Variants in HSDL1 observed in about 807,000 individuals in gnomAD.
HSDL1 encodes inactive hydroxysteroid dehydrogenase-like protein 1.
Under a neutral mutation model 31.5 loss-of-function variants are expected in HSDL1, and 29 were observed. The ratio of observed to expected loss-of-function variants is 0.92; its 90% CI spans 0.69 to 1.26. HSDL1 has a LOEUF of 1.26. Ranked by LOEUF, HSDL1 falls within the 50% of genes most tolerant of loss-of-function variation. The pLI, the probability that HSDL1 is intolerant of heterozygous loss-of-function variation, is 0.00. For missense variants in HSDL1, 503 were observed against 416.6 expected (o/e 1.21, Z -1.81); for synonymous variants, 222 against 155.2 (o/e 1.43, Z -3.20).
chr16:84,134,246 A>G (rs1329300761), intron 2 of HSDL1, among the ~76,000 whole-genome samples: 1 of 152,134 alleles, frequency 6.6e-6, no homozygotes, highest in East Asian at 1.9e-4. Context: ...GAGTTTTCAC[A>G]CTGGCTGTAG....
At chr16:84,140,089 C>T (rs1160213236) in intron 1 of HSDL1, among the ~76,000 whole-genome samples, 1 of 152,114 alleles carries the variant, frequency 6.6e-6, no homozygotes, top group Non-Finnish European at 1.5e-5. Context: ...GGCCGTGGCA[C>T]TGCCCCCACC....
rs2086577417 is a variant in HSDL1, at chr16:84,123,833, C to G, written c.*797G>C. ...TGACTGCAGGTTTCTCTTACATATC[C>G]AAATCTAGGAATAAGTTCATTCCAT... On this transcript the variant is annotated 3_prime_UTR_variant, in exon 6 of 6. Coordinates refer to ENST00000219439, the MANE Select transcript of HSDL1 (RefSeq NM_031463.5). 2 of 152,112 alleles carry G rather than the reference C, an allele frequency of 1.3e-5. No homozygotes were observed. The highest frequency in any genetic ancestry group is 4.1e-4 in the South Asian group (2 of 4,826). The allele number at this position is 152,112 out of a possible 1,614,324, so 9.4% of individuals were successfully genotyped here. A position where few individuals can be genotyped will look rare whatever the true frequency, so the allele number is the denominator to read the frequency against.
intron 1 of HSDL1, among the ~76,000 whole-genome samples, chr16:84,141,015 C>A (rs929209641): frequency 6.6e-5 from 10 of 151,362 alleles, no homozygotes; most frequent in Non-Finnish European, 1.5e-4. Flanking sequence ...GGCGTGAACC[C>A]GGAAGGCGGA....
intron 5 of HSDL1, among the ~76,000 whole-genome samples, chr16:84,126,102 CAAAA>C (rs144379672): frequency 1.9e-5 from 2 of 102,604 alleles, no homozygotes; most frequent in African/African-American, 7.4e-5. Flanking sequence ...AACTCTGTCT[CAAAA>C]AAAAAAAAAA....
chr16:84,137,260 C>T (rs553343679), intron 1 of HSDL1, among the ~76,000 whole-genome samples: 10 of 152,316 alleles, frequency 6.6e-5, no homozygotes, highest in South Asian at 4.1e-4. Context: ...CTCCCTGGCC[C>T]GGGCCCATGG....
At chr16:84,143,473 G>A (rs994149205) in intron 1 of HSDL1, among the ~76,000 whole-genome samples, 1 of 152,118 alleles carries the variant, frequency 6.6e-6, no homozygotes, top group Non-Finnish European at 1.5e-5. Flanking sequence ...ACTGTTAATG[G>A]GGTTGGGGTT....
chr16:84,126,570 C>T (rs2086608739), intron 5 of HSDL1, among the ~76,000 whole-genome samples: 2 of 152,080 alleles, frequency 1.3e-5, no homozygotes, highest in African/African-American at 2.4e-5. Flanking sequence ...TGTTCAGAAC[C>T]GAATGAAAGT....
intron 1 of HSDL1, among the ~76,000 whole-genome samples, chr16:84,142,068 AG>A (rs2086773977): frequency 6.6e-6 from 1 of 151,902 alleles, no homozygotes; most frequent in Non-Finnish European, 1.5e-5. Context: ...GCTGGGACAC[AG>A]GCATGTACCA....
rs2086662636 is a variant in HSDL1 at position 84,131,309 on chromosome 16, C to G, written c.13G>C (p.Asp5His). ...TCCCTGTACAAGAGGTAGAAACTGT[C>G]AACAGCAGCCATGGCAACCTGCAGG... is the stretch of plus-strand genomic sequence containing the variant. MAAV[D>H]SFYLLYREIA... is the part of the protein sequence containing the mutation. The change falls in exon 3 of 6, where the codon GAC becomes CAC. Residue 5 changes from aspartate to histidine, a missense_variant. Asp to His is a moderately conservative substitution (Grantham distance 81). Transcript: ENST00000219439. 2.5e-6 allele frequency: 4 copies of G among 1,613,616 alleles called. No individual in the cohort carries two copies. The highest frequency in any genetic ancestry group is 3.4e-6 in the Non-Finnish European group (4 of 1,179,718).
At chr16:84,134,266 A>G (rs2086692778) in intron 2 of HSDL1, among the ~76,000 whole-genome samples, 1 of 152,168 alleles carries the variant, frequency 6.6e-6, no homozygotes, top group East Asian at 1.9e-4. Context: ...GCCCTTGAAC[A>G]GTCATAAGTA....
Position 84,131,215 on chromosome 16 carries a change from T to A in HSDL1, c.107A>T (p.Lys36Ile). The A allele has an allele frequency of 6.2e-7, 1 of 1,614,176 alleles. No homozygotes were observed. Among genetic ancestry groups the A allele is most frequent in the Non-Finnish European group, 8.5e-7 (1 of 1,180,028 alleles). The change falls in exon 3 of 6, where the codon AAA becomes ATA. Residue 36 changes from lysine (K) to isoleucine (I), a missense_variant. By Grantham distance (102) the Lys-to-Ile change is moderately radical. Coordinates refer to ENST00000219439, the MANE Select transcript of HSDL1 (RefSeq NM_031463.5). ...AAAGTCACAGATGACAGTGATGCTT[T>A]TTCTGGCCGTATACCAGGCTCCAAC... ...ALVGAWYTAR[K>I]SITVICDFYS...
chr16:84,128,908 A>G (rs1342716040), intron 5 of HSDL1, among the ~76,000 whole-genome samples: 1 of 151,946 alleles, frequency 6.6e-6, no homozygotes, highest in Non-Finnish European at 1.5e-5. Flanking sequence ...GGGTTTCACC[A>G]TATTGGCCAG....
In HSDL1 at chr16:84,123,277, G is replaced by A. The variant is rs983961978; in HGVS notation, c.*1353C>T. Reference sequence around the variant, plus strand: ...TGCTTATGATAGATTATCACGTCACGAAAAAAATGCCACAGAAGTCCAGAC... The same window carrying A: ...TGCTTATGATAGATTATCACGTCACAAAAAAAATGCCACAGAAGTCCAGAC... On this transcript the variant is annotated 3_prime_UTR_variant, in exon 6 of 6. Transcript: ENST00000219439. 2.0e-5 allele frequency: 3 copies of A among 152,236 alleles called. No individual in the cohort carries two copies. The highest frequency in any genetic ancestry group is 2.9e-5 in the Non-Finnish European group (2 of 68,020). 9.4% of individuals were successfully genotyped at this position (152,236 alleles called of 1,614,324 possible).
intron 1 of HSDL1, among the ~76,000 whole-genome samples, chr16:84,138,609 T>C (rs1285775086): frequency 6.6e-6 from 1 of 152,230 alleles, no homozygotes; most frequent in African/African-American, 2.4e-5. Flanking sequence ...TCAATTATAC[T>C]TCGATGAAGT....
At chr16:84,140,113 C>G (rs1597380131) in intron 1 of HSDL1, among the ~76,000 whole-genome samples, 1 of 152,106 alleles carries the variant, frequency 6.6e-6, no homozygotes, top group East Asian at 1.9e-4. Context: ...GAATTCCTCT[C>G]CACCTCTCTT....
At position 84,143,582 on chromosome 16, in the gene HSDL1, G is replaced by A. The variant is rs1423842500; in HGVS notation, c.-69+1498C>T. 4.6e-5 allele frequency among the ~76,000 whole-genome samples: 7 copies of A among 152,194 alleles called. No individual in the cohort carries two copies. In the Middle Eastern group the frequency reaches 0.014, roughly 296 times the overall value. ...ACTACTGAGTTATACACTGTAAAAT[G>A]GCTAAAATGATAAATTTTATGTCAT... On this transcript the variant is annotated intron_variant, in intron 1 of 5. Coordinates refer to ENST00000219439, the MANE Select transcript of HSDL1 (RefSeq NM_031463.5).
intron 5 of HSDL1, among the ~76,000 whole-genome samples, chr16:84,127,436 G>C (rs551965514): frequency 3.9e-4 from 59 of 151,314 alleles, no homozygotes; most frequent in Non-Finnish European, 7.1e-4. Flanking sequence ...GGCTGGTCTC[G>C]AACTCCTGAC....
chr16:84,124,540 A>G lies in HSDL1; in HGVS notation c.*90T>C. 2 of 809,410 alleles carry G rather than the reference A, an allele frequency of 2.5e-6. No homozygotes were observed. Among genetic ancestry groups the G allele is most frequent in the Non-Finnish European group, 4.3e-6 (2 of 461,254 alleles). 50.1% of individuals were successfully genotyped at this position (809,410 alleles called of 1,614,324 possible). ...AGTATGCTGAATAATCAGCAATGAA[A>G]CACAGGAGATAAATTAAATGTGTTT... On this transcript the variant is annotated 3_prime_UTR_variant, in exon 6 of 6. Transcript: ENST00000219439.
chr16:84,138,074 G>T (rs1269036532), intron 1 of HSDL1, among the ~76,000 whole-genome samples: 1 of 152,174 alleles, frequency 6.6e-6, no homozygotes, highest in African/African-American at 2.4e-5. Flanking sequence ...CCTTGATCTT[G>T]GACCATTCAG....
Sources: gnomAD v4.1 joint callset for allele counts (sites outside exome capture counted in the v4.1 genomes callset) on GRCh38, gnomAD v4.1.1 for gene constraint, MANE v1.5 for transcripts, NCBI Gene and HGNC (gene_info 2026-07-23, HGNC 2026-07-21) for gene names.